The following PSG9 variants were observed in gnomAD, a reference collection of about 807,000 sequenced individuals.
The protein encoded by PSG9 is pregnancy specific beta-1-glycoprotein 9.
Under a neutral mutation model 41.9 loss-of-function variants are expected in PSG9, and 49 were observed. That is an observed-to-expected ratio of 1.17 (90% CI 0.93 to 1.48). PSG9 has a LOEUF of 1.48. Ranked by LOEUF, PSG9 falls within the 40% of genes most tolerant of loss-of-function variation. PSG9 has a pLI of 0.00. For synonymous variants in PSG9, 263 were observed against 196.8 expected (o/e 1.34, Z -2.82); for missense variants, 641 against 520.3 (o/e 1.23, Z -2.26).
intron 5 of PSG9, 140 bp downstream of exon 5, chr19:43,258,062 A>T: frequency 6.3e-7 from 1 of 1,584,076 alleles, no homozygotes; most frequent in South Asian, 1.1e-5. Context: ...ACAAATTGGG[A>T]GGGTTCAGGA....
intron 5 of PSG9, 78 bp from the exon 6 acceptor site, chr19:43,253,724 T>C: frequency 1.1e-6 from 1 of 877,734 alleles, no homozygotes; most frequent in Non-Finnish European, 1.7e-6. Flanking sequence ...TCCTACAGGC[T>C]CCCAGGAAGG....
intron 3 of PSG9, among the ~76,000 whole-genome samples, chr19:43,261,404 A>C (rs573313131): frequency 3.2e-4 from 49 of 152,258 alleles, no homozygotes; most frequent in South Asian, 2.9e-3. Flanking sequence ...AGATTGGGGA[A>C]TTCCCCTGTA....
chr19:43,269,313 C>T, intron 1 of PSG9, 55 bp downstream of exon 1: 3 of 1,612,110 alleles, frequency 1.9e-6, no homozygotes, highest in South Asian at 1.1e-5. Context: ...CAGGAGACCC[C>T]ATCCAGTCAC....
At chr19:43,261,723 C>A in intron 3 of PSG9, 137 bp downstream of exon 3, 2 of 1,601,668 alleles carry the variant, frequency 1.2e-6, no homozygotes, top group South Asian at 1.1e-5. Flanking sequence ...TTGCTTGGGG[C>A]AGAAAGTCAT....
At chr19:43,266,116 A>G (rs2039303092) in intron 2 of PSG9, among the ~76,000 whole-genome samples, 1 of 151,580 alleles carries the variant, frequency 6.6e-6, no homozygotes, top group African/African-American at 2.4e-5. Flanking sequence ...AGAGGCAGAG[A>G]CACCATGGCA....
chr19:43,261,973 T>C lies in PSG9; in HGVS notation c.596A>G (p.Asn199Ser), dbSNP rs1037306797. 1.9e-6 allele frequency: 3 copies of C among 1,613,830 alleles called. No individual in the cohort carries two copies. The African/African-American group carries it at 4.0e-5, about 22-fold the overall frequency. Residue 199 changes from asparagine (N) to serine (S), a missense_variant, in exon 3 of 6, where the codon AAC (asparagine) becomes AGC (serine). Transcript: ENST00000270077. ...VTHRLQLSKT[N>S]RTLYLFGVTK... Reference sequence around the variant, plus strand: ...GACACCAAATAGATAGAGGGTCCTGTTGGTTTTGGACAGCTGCAACCTGTG... The same window carrying C: ...GACACCAAATAGATAGAGGGTCCTGCTGGTTTTGGACAGCTGCAACCTGTG...
At position 43,267,616 on chromosome 19, in the gene PSG9, G is replaced by C. The variant is rs540127671; in HGVS notation, c.430+168C>G. Among the ~76,000 whole-genome samples the C allele has an allele frequency of 9.9e-5, 15 of 152,258 alleles. No individual in the cohort carries two copies. The East Asian group carries it at 2.7e-3, about 27-fold the overall frequency. ...GGATGCGGGAAAGGAATTCTGATCT[G>C]TTGAAATTTGTCTCCTCTGTGTGTG... On this transcript the variant is annotated intron_variant, in intron 2 of 5. Coordinates refer to ENST00000270077, the MANE Select transcript of PSG9 (RefSeq NM_002784.5).
Position 43,267,842 on chromosome 19 carries a change from G to A in PSG9, c.372C>T (p.Ile124=), listed in dbSNP as rs1488060818. The stretch of plus-strand genomic sequence containing the variant: ...CTCTAGTCTCATCACCTCGCTTTAT[G>A]ATGTGTAAGGTGTAGGTTCCTGCAT... The part of the protein sequence containing the change: ...RKDAGTYTLH[I]IKRGDETREE... Residue 124 remains isoleucine, a synonymous_variant, in exon 2 of 6, where the codon ATC becomes ATT. Coordinates refer to ENST00000270077, the MANE Select transcript of PSG9 (RefSeq NM_002784.5). 1.9e-6 allele frequency: 3 copies of A among 1,613,544 alleles called. No individual in the cohort carries two copies. Among genetic ancestry groups the A allele is most frequent in the Non-Finnish European group, 1.7e-6 (2 of 1,179,708 alleles).
intron 5 of PSG9, among the ~76,000 whole-genome samples, chr19:43,255,428 C>A (rs1599814296): frequency 1.4e-5 from 2 of 146,338 alleles, no homozygotes; most frequent in East Asian, 4.7e-4. Flanking sequence ...AGACTGAAAG[C>A]TTTCCCTGTA....
At position 43,258,153 on chromosome 19, in the gene PSG9, A is replaced by T. The variant is rs761350526; in HGVS notation, c.1243+49T>A. On this transcript the variant is annotated intron_variant, in intron 5 of 5. Transcript: ENST00000270077. ...TTCCTGACTCTTCTCTGAAAGCCAGATAGACTCCACATAAAACCCTACTGC... is the reference window on the plus strand; with the variant it reads ...TTCCTGACTCTTCTCTGAAAGCCAGTTAGACTCCACATAAAACCCTACTGC... The T allele has an allele frequency of 1.4e-5, 23 of 1,591,922 alleles. 2 individuals are homozygous for T. In the South Asian group the frequency reaches 2.3e-4, roughly 16 times the overall value.
intron 2 of PSG9, among the ~76,000 whole-genome samples, chr19:43,264,054 G>A (rs2122543812): frequency 6.6e-6 from 1 of 152,220 alleles, no homozygotes; most frequent in South Asian, 2.1e-4. Context: ...AAGATTCTAA[G>A]TGAGATGCCA....
chr19:43,265,046 T>A (rs1968902613), intron 2 of PSG9, among the ~76,000 whole-genome samples: 1 of 152,128 alleles, frequency 6.6e-6, no homozygotes, highest in Non-Finnish European at 1.5e-5. Context: ...TGACTCCATC[T>A]GGCATCTAGT....
intron 2 of PSG9, among the ~76,000 whole-genome samples, chr19:43,263,005 G>T (rs1431243261): frequency 1.3e-5 from 2 of 152,216 alleles, no homozygotes; most frequent in African/African-American, 4.8e-5. Flanking sequence ...GATGATGGAA[G>T]TCTGGCCCTC....
At chr19:43,267,418 T>A (rs12973575) in intron 2 of PSG9, among the ~76,000 whole-genome samples, 1 of 151,758 alleles carries the variant, frequency 6.6e-6, no homozygotes, top group African/African-American at 2.4e-5. Context: ...GGGCTGAGCT[T>A]CTCTGAGAGT....
rs757633304 is a variant in PSG9 at position 43,256,031 on chromosome 19, C to A, written c.1243+2171G>T. ...AAAATTTATATTGTATCTCATGACT[C>A]TAAATAGACACACAGCTTTGAAGAG... On this transcript the variant is annotated intron_variant, in intron 5 of 5. Transcript: ENST00000270077. Among the ~76,000 whole-genome samples, 4 of 146,424 alleles carry A rather than the reference C, an allele frequency of 2.7e-5. 1 individual carries two copies. The highest frequency in any genetic ancestry group is 7.8e-5 in the African/African-American group (3 of 38,560).
chr19:43,264,201 A>C (rs945698339), intron 2 of PSG9, among the ~76,000 whole-genome samples: 2 of 151,970 alleles, frequency 1.3e-5, no homozygotes, highest in Non-Finnish European at 2.9e-5. Flanking sequence ...GTCCCCAAAA[A>C]CCACCAGTAT....
chr19:43,264,539 G>T (rs1968875390), intron 2 of PSG9, among the ~76,000 whole-genome samples: 1 of 151,914 alleles, frequency 6.6e-6, no homozygotes, highest in African/African-American at 2.4e-5. Context: ...CTCACTGCAA[G>T]CTCCGCCTTC....
At chr19:43,257,701 G>A (rs1968497916) in intron 5 of PSG9, 2 of 1,120,646 alleles carry the variant, frequency 1.8e-6, no homozygotes, top group Non-Finnish European at 2.2e-6. Flanking sequence ...GGCAGGGCCA[G>A]TCACCAGAGG....
chr19:43,256,270 T>C lies in PSG9; in HGVS notation c.1243+1932A>G, dbSNP rs1427604898. Among the ~76,000 whole-genome samples, 14 of 146,926 alleles carry C rather than the reference T, an allele frequency of 9.5e-5. 2 individuals carry two copies. On this transcript the variant is annotated intron_variant, in intron 5 of 5. Transcript: ENST00000270077. The stretch of plus-strand genomic sequence containing the variant: ...CACAACTCTTAGAAGAAAAGCTTCA[T>C]GATACTGGATTTCCCAATGATTTCT...
Sources: allele counts gnomAD v4.1 joint callset (sites outside exome capture counted in the v4.1 genomes callset), GRCh38; gene constraint gnomAD v4.1.1; transcripts MANE v1.5; gene names NCBI Gene and HGNC (gene_info 2026-07-23, HGNC 2026-07-21).